Variants in RAET1E observed in about 807,000 individuals in gnomAD.
The protein encoded by RAET1E is retinoic acid early transcript 1E.
A neutral mutation model predicts 21.1 loss-of-function variants in RAET1E; 27 were observed. The ratio of observed to expected loss-of-function variants is 1.28; its 90% confidence interval spans 0.94 to 1.76. The LOEUF is 1.76. Among genes scored for constraint, RAET1E ranks in the 40% most tolerant of loss-of-function variants. The pLI, the probability that RAET1E is intolerant of heterozygous loss-of-function variation, is 0.00. For missense variants in RAET1E, 310 were observed against 311.3 expected (o/e 1.00, Z 0.03); for synonymous variants, 113 against 115.0 (o/e 0.98, Z 0.11).
chr6:149,894,854 G>A (rs769244021), intron 2 of RAET1E, among the ~76,000 whole-genome samples: 8 of 152,154 alleles, frequency 5.3e-5, no homozygotes, highest in Admixed American at 3.3e-4. Context: ...GAGGAGAGGC[G>A]TTCTTGTTTT....
rs1446280262 is a variant in RAET1E, at chr6:149,889,341, C to T, written c.622+7G>A. The T allele has an allele frequency of 6.2e-7, 1 of 1,613,880 alleles. No individual in the cohort carries two copies. Among genetic ancestry groups the T allele is most frequent in the East Asian group, 2.2e-5 (1 of 44,868 alleles). On this transcript the variant is annotated splice_region_variant and intron_variant, in intron 5 of 5. Transcript: ENST00000357183. Reference sequence around the variant, plus strand: ...AGCTGCCACATTCTCCCACCCAGCTCAGTTACCTGTCGGTTCTGGCATTGC... The same window carrying T: ...AGCTGCCACATTCTCCCACCCAGCTTAGTTACCTGTCGGTTCTGGCATTGC...
intron 1 of RAET1E, chr6:149,896,278 G>A (rs929347897): frequency 6.6e-6 from 1 of 152,194 alleles, no homozygotes; most frequent in African/African-American, 2.4e-5. Context: ...TTAACTAGAT[G>A]GAACAGACTT....
At chr6:149,893,252 C>G (rs1048380498) in intron 2 of RAET1E, among the ~76,000 whole-genome samples, 5 of 152,158 alleles carry the variant, frequency 3.3e-5, no homozygotes, top group Admixed American at 6.5e-5. Context: ...TCAGTGGTAG[C>G]TTAATGGGGA....
At chr6:149,896,411 A>G (rs1486600936) in intron 1 of RAET1E, among the ~76,000 whole-genome samples, 1 of 152,112 alleles carries the variant, frequency 6.6e-6, no homozygotes, top group Non-Finnish European at 1.5e-5. Context: ...CATTTTTTAC[A>G]TGTCCCCTAT....
chr6:149,894,649 T>C (rs1217607023), intron 2 of RAET1E, among the ~76,000 whole-genome samples: 2 of 152,182 alleles, frequency 1.3e-5, no homozygotes, highest in African/African-American at 2.4e-5. Context: ...CCTCTCTACA[T>C]TGGTTATTCT....
chr6:149,888,320 T>G lies in RAET1E; in HGVS notation c.*178A>C. The G allele has an allele frequency of 1.2e-6, 1 of 805,264 alleles. No homozygotes were observed. Among genetic ancestry groups the G allele is most frequent in the South Asian group, 1.6e-5 (1 of 63,226 alleles). 49.9% of individuals were successfully genotyped at this position (805,264 alleles called of 1,614,324 possible). A position where few individuals can be genotyped will look rare whatever the true frequency, so the allele number is the denominator to read the frequency against. On this transcript the variant is annotated 3_prime_UTR_variant, in exon 6 of 6. Transcript: ENST00000357183. ...CGTTCCAGATCTTTGACCTTGCCCC[T>G]CCTCGAGAGGAGATGATTGCTTCAT...
Position 149,890,143 on chromosome 6 carries a change from C to T in RAET1E, c.88G>A (p.Gly30Ser). ...LLIALEIMVG[G>S]HSLCFNFTIK... ...GTGAAGTTGAAGCAAAGAGAGTGAC[C>T]ACCTGTGAGACAAAGATGCAGGTGA... The change falls in exon 4 of 6, where the codon GGT (glycine) becomes AGT (serine). Residue 30 changes from glycine to serine, a missense_variant and splice_region_variant. Physicochemically the swap from Gly to Ser is moderately conservative, Grantham distance 56. Transcript: ENST00000357183. 1 of 1,613,938 alleles carries T rather than the reference C, an allele frequency of 6.2e-7. No homozygotes were observed. Among genetic ancestry groups the T allele is most frequent in the Middle Eastern group, 1.6e-4 (1 of 6,062 alleles).
chr6:149,889,769 T>C (rs975755046), intron 4 of RAET1E, 116 bp downstream of exon 4: 6 of 1,484,962 alleles, frequency 4.0e-6, no homozygotes, highest in Admixed American at 3.7e-5. Context: ...CCCATGTGCC[T>C]CTATGGTTGG....
At chr6:149,896,710 C>T (rs1312972426) in intron 1 of RAET1E, among the ~76,000 whole-genome samples, 2 of 151,886 alleles carry the variant, frequency 1.3e-5, no homozygotes, top group African/African-American at 4.8e-5. Flanking sequence ...GTGATATGAC[C>T]ACTGAGTAGC....
At chr6:149,888,762 A>G in intron 5 of RAET1E, 95 bp from the exon 6 acceptor site, 1 of 1,468,312 alleles carries the variant, frequency 6.8e-7, no homozygotes, top group South Asian at 1.3e-5. Context: ...TGCTTTCCCC[A>G]GGAACACATG....
chr6:149,888,146 G>A lies in RAET1E; in HGVS notation c.*352C>T, dbSNP rs760288193. On this transcript the variant is annotated 3_prime_UTR_variant, in exon 6 of 6. Transcript: ENST00000357183. ...GGGAGTAAATGCTGCAGCCACAAGC[G>A]CCACCAGCAAGTCTTCTCAGGGTGA... is the stretch of plus-strand genomic sequence containing the variant. 9.2e-5 allele frequency: 50 copies of A among 542,278 alleles called. No homozygotes were observed. Among genetic ancestry groups the A allele is most frequent in the Non-Finnish European group, 1.6e-4 (44 of 279,974 alleles). The allele number at this position is 542,278 out of a possible 1,614,324, so 33.6% of individuals were successfully genotyped here. A position where few individuals can be genotyped will look rare whatever the true frequency, so the allele number is the denominator to read the frequency against.
In RAET1E at chr6:149,889,387, C is replaced by G. The variant is rs1338889450; in HGVS notation, c.583G>C (p.Glu195Gln). ...SKGDCDHWLREFLGHWEAMPE... is the reference protein window; with the variant it reads ...SKGDCDHWLRQFLGHWEAMPE... Reference sequence around the variant, plus strand: ...ATTGCCTCCCAGTGCCCTAAGAATTCCCTGAGCCAGTGATCGCAGTCTCCC... The same window carrying G: ...ATTGCCTCCCAGTGCCCTAAGAATTGCCTGAGCCAGTGATCGCAGTCTCCC... Residue 195 changes from glutamate (E) to glutamine (Q), a missense_variant, in exon 5 of 6, where the codon GAA (glutamate) becomes CAA (glutamine). Coordinates refer to ENST00000357183, the MANE Select transcript of RAET1E (RefSeq NM_001394057.1). 3 of 1,614,208 alleles carry G rather than the reference C, an allele frequency of 1.9e-6. No individual in the cohort carries two copies. Among genetic ancestry groups the G allele is most frequent in the Admixed American group, 1.7e-5 (1 of 60,028 alleles).
chr6:149,891,602 G>A (rs999825128), intron 2 of RAET1E, among the ~76,000 whole-genome samples: 2 of 152,010 alleles, frequency 1.3e-5, no homozygotes, highest in Admixed American at 6.6e-5. Flanking sequence ...AACTGAAATG[G>A]CCAGGCCCTC....
chr6:149,890,511 AAG>A (rs1232201132), intron 3 of RAET1E, among the ~76,000 whole-genome samples: 6 of 152,308 alleles, frequency 3.9e-5, no homozygotes, highest in African/African-American at 1.4e-4. Context: ...AGAAAGGAAA[AAG>A]AGGCATTTAT....
At position 149,884,434 on chromosome 6, in the gene RAET1E, TGTCAGCGA is replaced by T; in HGVS notation, c.*4056_*4063del. 1 of 1,514,464 alleles carries T rather than the reference TGTCAGCGA, an allele frequency of 6.6e-7. No homozygotes were observed. Among genetic ancestry groups the T allele is most frequent in the East Asian group, 2.5e-5 (1 of 40,758 alleles). The allele number at this position is 1,514,464 out of a possible 1,614,324, so 93.8% of individuals were successfully genotyped here. ...AACACACAGCAGTGGGAGCCAAGGC[TGTCAGCGA>T]TCGAGGACCACAGGTGAACAACTCT... is the stretch of plus-strand genomic sequence containing the variant. On this transcript the variant is annotated 3_prime_UTR_variant, in exon 6 of 6. Transcript: ENST00000357183.
chr6:149,889,750 C>A, intron 4 of RAET1E, 127 bp from the exon 5 acceptor site: 1 of 1,469,628 alleles, frequency 6.8e-7, no homozygotes, highest in South Asian at 1.3e-5. Context: ...CCTTTCCTGC[C>A]CATTGGGTCC....
chr6:149,884,367 G>T lies in RAET1E; in HGVS notation c.*4131C>A. 1 of 929,776 alleles carries T rather than the reference G, an allele frequency of 1.1e-6. No individual in the cohort carries two copies. The highest frequency in any genetic ancestry group is 1.7e-6 in the Non-Finnish European group (1 of 601,168). The allele number at this position is 929,776 out of a possible 1,614,324, so 57.6% of individuals were successfully genotyped here. ...TGCCAAGACTGGAATGCAGAGGCGC[G>T]ATCTCCGCTCATTGCAGGCTCCGCC... is the stretch of plus-strand genomic sequence containing the variant. On this transcript the variant is annotated 3_prime_UTR_variant, in exon 6 of 6. Transcript: ENST00000357183.
intron 5 of RAET1E, among the ~76,000 whole-genome samples, chr6:149,888,874 C>T (rs558545004): frequency 1.3e-5 from 2 of 152,244 alleles, no homozygotes; most frequent in South Asian, 4.1e-4. Flanking sequence ...GCTCAGATTT[C>T]TACTGAGAGA....
intron 1 of RAET1E, among the ~76,000 whole-genome samples, chr6:149,897,220 A>AG (rs1778149092): frequency 6.6e-6 from 1 of 152,078 alleles, no homozygotes. Context: ...TTTGGTGTGG[A>AG]GATGGGGTCT....
Sources: gnomAD v4.1 joint callset for allele counts (sites outside exome capture counted in the v4.1 genomes callset) on GRCh38, gnomAD v4.1.1 for gene constraint, MANE v1.5 for transcripts, NCBI Gene and HGNC (gene_info 2026-07-23, HGNC 2026-07-21) for gene names.